KHDRBS2: variants seen among roughly 807,000 people sequenced by gnomAD.
KHDRBS2 encodes the protein KH RNA binding domain containing, signal transduction associated 2.
Under a neutral mutation model 44.3 loss-of-function variants are expected in KHDRBS2, and 26 were observed. The observed-to-expected ratio is 0.59, with a 90% confidence interval of 0.43 to 0.81. The LOEUF (loss-of-function observed/expected upper bound fraction) is 0.81. Ranked by LOEUF, KHDRBS2 falls within the 40% of genes least tolerant of loss-of-function variation. The pLI, the probability that KHDRBS2 is intolerant of heterozygous loss-of-function variation, is 0.00. For missense variants in KHDRBS2, 476 were observed against 433.1 expected (o/e 1.10, Z -0.88); for synonymous variants, 194 against 151.1 (o/e 1.28, Z -2.08).
intron 2 of KHDRBS2, among the ~76,000 whole-genome samples, chr6:62,129,078 C>T (rs1461938933): frequency 6.6e-6 from 1 of 151,994 alleles, no homozygotes; most frequent in Non-Finnish European, 1.5e-5. Flanking sequence ...GTATCATATT[C>T]AATGTATTTA....
intron 4 of KHDRBS2, among the ~76,000 whole-genome samples, chr6:61,942,369 C>A (rs1449732535): frequency 1.3e-5 from 2 of 151,314 alleles, no homozygotes; most frequent in Non-Finnish European, 2.9e-5. Context: ...AGAAATTTAC[C>A]AAAAAGATAA....
intron 6 of KHDRBS2, among the ~76,000 whole-genome samples, chr6:61,746,756 AC>A (rs1369377468): frequency 2.0e-5 from 3 of 152,024 alleles, no homozygotes; most frequent in Non-Finnish European, 4.4e-5. Context: ...TAAATGTAAA[AC>A]CCCAAACCAT....
chr6:61,735,036 A>G (rs1459390398), intron 6 of KHDRBS2, among the ~76,000 whole-genome samples: 2 of 152,044 alleles, frequency 1.3e-5, no homozygotes, highest in African/African-American at 2.4e-5. Context: ...TTGCTGAAAC[A>G]TCTCTTTCAA....
intron 7 of KHDRBS2, among the ~76,000 whole-genome samples, chr6:61,719,408 T>A (rs1771989020): frequency 6.6e-6 from 1 of 152,058 alleles, no homozygotes; most frequent in Admixed American, 6.6e-5. Flanking sequence ...ATCTTGTGAA[T>A]TTCCATGATT....
At chr6:62,087,112 A>G (rs956254261) in intron 2 of KHDRBS2, among the ~76,000 whole-genome samples, 22 of 152,310 alleles carry the variant, frequency 1.4e-4, no homozygotes, top group Admixed American at 1.3e-3. Flanking sequence ...TCAGAAAAAT[A>G]TAAGTTCACA....
At chr6:61,743,908 C>T (rs1488358548) in intron 6 of KHDRBS2, among the ~76,000 whole-genome samples, 2 of 150,918 alleles carry the variant, frequency 1.3e-5, no homozygotes, top group Non-Finnish European at 2.9e-5. Flanking sequence ...CGATAGTTTG[C>T]TGAGAATGAT....
the KHDRBS2 span, among the ~76,000 whole-genome samples, chr6:61,638,135 T>A: frequency 2.0e-5 from 3 of 152,078 alleles, no homozygotes; most frequent in African/African-American, 7.2e-5. Flanking sequence ...ATGACTTTCT[T>A]CTCAGAATTG....
At chr6:62,284,277 A>G (rs1428680431) in intron 1 of KHDRBS2, among the ~76,000 whole-genome samples, 1 of 152,124 alleles carries the variant, frequency 6.6e-6, no homozygotes, top group Non-Finnish European at 1.5e-5. Flanking sequence ...TAGAACTCCA[A>G]TTAGCGGGTC....
intron 3 of KHDRBS2, among the ~76,000 whole-genome samples, chr6:61,982,503 C>T (rs1169165088): frequency 1.3e-5 from 2 of 151,844 alleles, no homozygotes; most frequent in African/African-American, 2.4e-5. Context: ...AACCCCGTCT[C>T]TACTAAAAAT....
At chr6:62,038,516 T>C (rs1212396140) in intron 3 of KHDRBS2, among the ~76,000 whole-genome samples, 1 of 152,094 alleles carries the variant, frequency 6.6e-6, no homozygotes, top group African/African-American at 2.4e-5. Context: ...TATTCAACTT[T>C]TGAATGACTT....
intron 6 of KHDRBS2, among the ~76,000 whole-genome samples, chr6:61,778,318 A>T (rs1173320303): frequency 6.6e-6 from 1 of 152,148 alleles, no homozygotes; most frequent in Non-Finnish European, 1.5e-5. Context: ...TGTGCAAGAC[A>T]CATTCTCTTT....
chr6:61,802,863 C>T (rs1186499709), intron 6 of KHDRBS2, among the ~76,000 whole-genome samples: 1 of 152,172 alleles, frequency 6.6e-6, no homozygotes, highest in Non-Finnish European at 1.5e-5. Context: ...AGGAGCACTA[C>T]ATTCATGTCT....
At chr6:62,008,676 T>A (rs1228785988) in intron 3 of KHDRBS2, among the ~76,000 whole-genome samples, 1 of 152,152 alleles carries the variant, frequency 6.6e-6, no homozygotes, top group Non-Finnish European at 1.5e-5. Flanking sequence ...CCATGGGAGA[T>A]GATTGAACTA....
At chr6:61,584,177 T>C in the KHDRBS2 span, among the ~76,000 whole-genome samples, 141,502 of 151,806 alleles carry the variant, frequency 0.93, 66,106 homozygotes, top group East Asian at 1. Context: ...AGTCTTAGTA[T>C]TTCTTTTCCA....
chr6:61,739,281 A>G (rs1339122075), intron 6 of KHDRBS2, among the ~76,000 whole-genome samples: 1 of 151,888 alleles, frequency 6.6e-6, no homozygotes, highest in Non-Finnish European at 1.5e-5. Context: ...ATTGATAAAC[A>G]TGTATGGTTC....
At chr6:62,173,699 G>A (rs1820526301) in intron 2 of KHDRBS2, among the ~76,000 whole-genome samples, 1 of 151,892 alleles carries the variant, frequency 6.6e-6, no homozygotes, top group African/African-American at 2.4e-5. Flanking sequence ...TCCAGCAGCA[G>A]GTTAAAAAGC....
intron 3 of KHDRBS2, among the ~76,000 whole-genome samples, chr6:62,024,015 A>T (rs1454709146): frequency 4.0e-5 from 6 of 151,298 alleles, no homozygotes; most frequent in Non-Finnish European, 7.4e-5. Flanking sequence ...CTCTACCAAA[A>T]TAATTTGTTA....
At chr6:62,142,798 AT>A (rs1754111089) in intron 2 of KHDRBS2, among the ~76,000 whole-genome samples, 1 of 151,612 alleles carries the variant, frequency 6.6e-6, no homozygotes, top group Admixed American at 6.6e-5. Context: ...GTGGCAAAAT[AT>A]ATCCAGAAAA....
At chr6:61,562,036 C>G in the KHDRBS2 span, among the ~76,000 whole-genome samples, 1 of 152,096 alleles carries the variant, frequency 6.6e-6, no homozygotes, top group African/African-American at 2.4e-5. Context: ...CCATGTTTAA[C>G]CAACTCTAGG....
Sources: gnomAD v4.1 joint callset for allele counts (sites outside exome capture counted in the v4.1 genomes callset) on GRCh38, gnomAD v4.1.1 for gene constraint, MANE v1.5 for transcripts, NCBI Gene and HGNC (gene_info 2026-07-23, HGNC 2026-07-21) for gene names.